The following AUTS2 variants were observed in gnomAD, a reference collection of about 807,000 sequenced individuals.
AUTS2 encodes autism susceptibility gene 2 protein.
AUTS2 carries 17 observed loss-of-function variants against 112.4 expected under a neutral mutation model. The ratio of observed to expected loss-of-function variants is 0.15; its 90% CI spans 0.10 to 0.23. The LOEUF is 0.23. AUTS2 is among the 10% of genes least tolerant of loss of function. AUTS2 has a pLI of 1.00. For missense variants in AUTS2, 1,510 were observed against 1,701.6 expected (o/e 0.89, Z 1.98); for synonymous variants, 751 against 702.7 (o/e 1.07, Z -1.09).
At chr7:69,763,613 G>C (rs1788289120) in intron 1 of AUTS2, among the ~76,000 whole-genome samples, 1 of 152,148 alleles carries the variant, frequency 6.6e-6, no homozygotes, top group Admixed American at 6.5e-5. Flanking sequence ...TAGCCACTTA[G>C]AGGCTGTTTG....
At chr7:70,156,666 T>C (rs1417644709) in intron 4 of AUTS2, among the ~76,000 whole-genome samples, 1 of 152,038 alleles carries the variant, frequency 6.6e-6, no homozygotes, top group Non-Finnish European at 1.5e-5. Flanking sequence ...GTTATGTTCA[T>C]TTTATTTTTG....
chr7:70,515,252 AGAG>A (rs1799369406), intron 5 of AUTS2, among the ~76,000 whole-genome samples: 1 of 152,204 alleles, frequency 6.6e-6, no homozygotes, highest in Non-Finnish European at 1.5e-5. Flanking sequence ...GCAGCAGAAC[AGAG>A]GAGGATGGAT....
At chr7:69,705,645 G>A (rs1268511136) in intron 1 of AUTS2, among the ~76,000 whole-genome samples, 5 of 152,194 alleles carry the variant, frequency 3.3e-5, no homozygotes, top group Middle Eastern at 3.2e-3. Flanking sequence ...GGGCCTATTC[G>A]TGGGAAATTG....
At chr7:69,947,313 T>C (rs1188444711) in intron 2 of AUTS2, among the ~76,000 whole-genome samples, 1 of 152,198 alleles carries the variant, frequency 6.6e-6, no homozygotes, top group Non-Finnish European at 1.5e-5. Context: ...TGAGGGCTTA[T>C]GTGACAGAAA....
At chr7:70,082,205 T>C (rs1206673350) in intron 2 of AUTS2, among the ~76,000 whole-genome samples, 1 of 152,240 alleles carries the variant, frequency 6.6e-6, no homozygotes, top group Non-Finnish European at 1.5e-5. Flanking sequence ...TTTTCAATCC[T>C]GTGTTGACTA....
chr7:69,600,098 CTTA>C (rs1274886914), intron 1 of AUTS2, 136 bp downstream of exon 1: 2 of 1,023,338 alleles, frequency 2.0e-6, no homozygotes, highest in Non-Finnish European at 2.9e-6. Flanking sequence ...AGGCTGAGGT[CTTA>C]TTGTTGGTGG....
At chr7:70,613,241 CTGTGTGTG>C (rs71077668) in intron 5 of AUTS2, among the ~76,000 whole-genome samples, 11 of 147,620 alleles carry the variant, frequency 7.5e-5, no homozygotes, top group Non-Finnish European at 4.5e-5. Context: ...GTGTGTGTGT[CTGTGTGTG>C]TGTGTGTGTG....
intron 1 of AUTS2, among the ~76,000 whole-genome samples, chr7:69,723,133 C>A (rs148248897): frequency 1.3e-5 from 2 of 152,120 alleles, no homozygotes; most frequent in Non-Finnish European, 2.9e-5. Context: ...ACTTTATCCC[C>A]GTTCTTACTG....
chr7:69,794,980 A>G (rs1789777004), intron 1 of AUTS2, among the ~76,000 whole-genome samples: 1 of 152,174 alleles, frequency 6.6e-6, no homozygotes, highest in African/African-American at 2.4e-5. Context: ...GAATATAGAC[A>G]CTGGAGCCGA....
intron 5 of AUTS2, among the ~76,000 whole-genome samples, chr7:70,663,737 C>T (rs1252611663): frequency 6.6e-6 from 1 of 152,046 alleles, no homozygotes; most frequent in Admixed American, 6.6e-5. Flanking sequence ...CTTCACCAGA[C>T]AGTTGCTTAC....
intron 1 of AUTS2, among the ~76,000 whole-genome samples, chr7:69,681,379 C>T (rs1448548271): frequency 6.6e-6 from 1 of 152,220 alleles, no homozygotes; most frequent in East Asian, 1.9e-4. Flanking sequence ...ACCAACAGTG[C>T]ACATGTTCCC....
chr7:70,177,121 A>G, intron 4 of AUTS2, among the ~76,000 whole-genome samples: 1 of 152,182 alleles, frequency 6.6e-6, no homozygotes, highest in East Asian at 1.9e-4. Context: ...TTGAAATTTC[A>G]AAGGAGGCAA....
chr7:70,650,586 C>T (rs548474841), intron 5 of AUTS2, among the ~76,000 whole-genome samples: 2 of 152,342 alleles, frequency 1.3e-5, no homozygotes, highest in Admixed American at 1.3e-4. Flanking sequence ...AGCTTTCTTC[C>T]TGGAATTATT....
intron 4 of AUTS2, among the ~76,000 whole-genome samples, chr7:70,371,083 G>A (rs546481268): frequency 3.9e-5 from 6 of 152,236 alleles, no homozygotes; most frequent in East Asian, 1.9e-4. Context: ...TGCCCAGTCC[G>A]TGGTGTTGCC....
rs1455459425 is a variant in AUTS2, at chr7:70,395,278, C to G, written c.661-40474C>G. 3.9e-5 allele frequency among the ~76,000 whole-genome samples: 6 copies of G among 152,088 alleles called. No homozygotes were observed. The East Asian group carries it at 9.6e-4, about 24-fold the overall frequency. ...TATTAGCCAGGTGTTGTGGCTCACA[C>G]CTGTAATCCCAATGCTTTGGGAGGA... is the stretch of plus-strand genomic sequence containing the variant. On this transcript the variant is annotated intron_variant, in intron 4 of 18. Coordinates refer to ENST00000342771, the MANE Select transcript of AUTS2 (RefSeq NM_015570.4).
At chr7:70,356,291 GATCAAGTTGCTTTAT>G (rs1246410058) in intron 4 of AUTS2, among the ~76,000 whole-genome samples, 1 of 152,176 alleles carries the variant, frequency 6.6e-6, no homozygotes, top group Non-Finnish European at 1.5e-5. Flanking sequence ...CTCTTTGGAG[GATCAAGTTGCTTTAT>G]ATCAATAGAC....
intron 4 of AUTS2, among the ~76,000 whole-genome samples, chr7:70,145,915 A>G (rs1365446404): frequency 2.0e-5 from 3 of 152,114 alleles, no homozygotes; most frequent in Admixed American, 6.6e-5. Flanking sequence ...GGAATGGTAC[A>G]CGTTTAGAGA....
intron 4 of AUTS2, among the ~76,000 whole-genome samples, chr7:70,155,237 G>A (rs1310822770): frequency 6.6e-6 from 1 of 152,068 alleles, no homozygotes; most frequent in Non-Finnish European, 1.5e-5. Context: ...CTCTGGGGAG[G>A]GTTCGATCTG....
chr7:70,534,128 C>A (rs918678515), intron 5 of AUTS2, among the ~76,000 whole-genome samples: 1 of 152,198 alleles, frequency 6.6e-6, no homozygotes, highest in Non-Finnish European at 1.5e-5. Context: ...GCCTCCACAT[C>A]GGCAGGCTTC....
Sources: gnomAD v4.1 joint callset for allele counts (sites outside exome capture counted in the v4.1 genomes callset) on GRCh38, gnomAD v4.1.1 for gene constraint, MANE v1.5 for transcripts, NCBI Gene and HGNC (gene_info 2026-07-23, HGNC 2026-07-21) for gene names.